The following MRM3 variants were observed in gnomAD, a reference collection of about 807,000 sequenced individuals.
MRM3 encodes the protein mitochondrial rRNA methyltransferase 3.
A neutral mutation model predicts 29.4 loss-of-function variants in MRM3; 26 were observed. The ratio of observed to expected loss-of-function variants is 0.89; its 90% confidence interval spans 0.65 to 1.23. The LOEUF is 1.23. Among genes scored for constraint, MRM3 ranks in the 50% most tolerant of loss-of-function variants. MRM3 has a pLI of 0.00. For synonymous variants in MRM3, 225 were observed against 219.0 expected, an observed-to-expected ratio of 1.03 and a Z score of -0.24; for missense variants, 578 against 540.2, an observed-to-expected ratio of 1.07 and a Z score of -0.69.
At chr17:790,921 CCCCCCACCCGCTG>C (rs1910784481) in intron 3 of MRM3, among the ~76,000 whole-genome samples, 1 of 24,250 alleles carries the variant, frequency 4.1e-5, no homozygotes, top group East Asian at 1.5e-3. Context: ...ACCACACCCC[CCCCCCACCCGCTG>C]ATTGGCCACC....
At chr17:791,028 C>G (rs1258463127) in intron 3 of MRM3, among the ~76,000 whole-genome samples, 1 of 152,156 alleles carries the variant, frequency 6.6e-6, no homozygotes, top group Non-Finnish European at 1.5e-5. Flanking sequence ...TTGGCCGGCT[C>G]ACCATGCTTG....
rs1281942309 is a variant in MRM3 at position 782,511 on chromosome 17, G to A, written c.133G>A (p.Gly45Arg). ...CCCAGTGAAAGTGGTGTTTCCTTCC[G>A]GAGAGGTGGTGGAACAGAAGCGCGC... ...RSPVKVVFPSGEVVEQKRAPG... is the reference protein window; with the variant it reads ...RSPVKVVFPSREVVEQKRAPG... Residue 45 changes from glycine (G) to arginine (R), a missense_variant, in exon 1 of 4, where the codon GGA becomes AGA. Gly to Arg is a moderately radical substitution (Grantham distance 125). Coordinates refer to ENST00000304478, the MANE Select transcript of MRM3 (RefSeq NM_018146.4). 1 of 1,613,574 alleles carries A rather than the reference G, an allele frequency of 6.2e-7. No individual in the cohort carries two copies. The highest frequency in any genetic ancestry group is 8.5e-7 in the Non-Finnish European group (1 of 1,179,520).
Position 787,518 on chromosome 17 carries a change from TG to T in MRM3, c.560-446del, listed in dbSNP as rs1173292670. On this transcript the variant is annotated intron_variant, in intron 2 of 3. Coordinates refer to ENST00000304478, the MANE Select transcript of MRM3 (RefSeq NM_018146.4). This position sits in a 1 kb window ranked among gnomAD's most constrained non-coding sequence, Gnocchi z 4.1. Reference sequence around the variant, plus strand: ...GTAGAATTTTATGTTGTTTGAATTTTGCCAATCAGAATGTATTCGTGGTTTT... The same window carrying T: ...GTAGAATTTTATGTTGTTTGAATTTTCCAATCAGAATGTATTCGTGGTTTT... Among the ~76,000 whole-genome samples, 1 of 152,084 alleles carries T rather than the reference TG, an allele frequency of 6.6e-6. No homozygotes were observed. Among genetic ancestry groups the T allele is most frequent in the East Asian group, 1.9e-4 (1 of 5,200 alleles).
In MRM3 at chr17:787,462, A is replaced by G. The variant is rs114898590; in HGVS notation, c.560-503A>G. On this transcript the variant is annotated intron_variant, in intron 2 of 3. Coordinates refer to ENST00000304478, the MANE Select transcript of MRM3 (RefSeq NM_018146.4). The surrounding 1 kb of genome is among the most constrained non-coding windows in gnomAD (Gnocchi z 4.1). ...GTTCTAAAAGGATACACTCCAAAAC[A>G]GAACAGTTGAGGGGGAGGAGAGTGG... is the stretch of plus-strand genomic sequence containing the variant. Among the ~76,000 whole-genome samples the G allele has an allele frequency of 0.011, 1,691 of 152,328 alleles. 34 individuals carry two copies. Among genetic ancestry groups the G allele is most frequent in the African/African-American group, 0.039 (1,634 of 41,562 alleles).
At chr17:790,318 A>C (rs1910731003) in intron 3 of MRM3, 1 of 153,052 alleles carries the variant, frequency 6.5e-6, no homozygotes, top group Non-Finnish European at 1.5e-5. Context: ...GCTCCGGTGC[A>C]GACTGAACGT....
intron 3 of MRM3, among the ~76,000 whole-genome samples, chr17:788,959 A>G (rs1356183675): frequency 6.6e-6 from 1 of 152,204 alleles, no homozygotes; most frequent in Non-Finnish European, 1.5e-5. Context: ...CTGCCTCACG[A>G]GTAATTCAGT....
intron 3 of MRM3, chr17:789,861 C>G (rs2144527523): frequency 6.6e-6 from 1 of 152,236 alleles, no homozygotes; most frequent in Admixed American, 6.5e-5. Flanking sequence ...GGTGTGGTGC[C>G]CAGTATCCAG....
intron 3 of MRM3, 153 bp downstream of exon 3, chr17:788,285 G>T (rs1910633056): frequency 4.6e-6 from 3 of 648,638 alleles, no homozygotes; most frequent in South Asian, 3.9e-5. Context: ...ACAATTAGCT[G>T]GGTGTGGTGG....
At chr17:783,394 T>C in intron 2 of MRM3, 67 bp downstream of exon 2, 2 of 1,472,468 alleles carry the variant, frequency 1.4e-6, no homozygotes, top group Non-Finnish European at 1.8e-6. Context: ...TGGAGTGCAA[T>C]GGCGCGATCT....
At position 789,292 on chromosome 17, in the gene MRM3, G is replaced by C. The variant is rs1250629587; in HGVS notation, c.727+1160G>C. ...AGTATATGAGCCACTCCTGAGTCTT[G>C]ACTTCTGAATCCTATGAAAGGAATG... On this transcript the variant is annotated intron_variant, in intron 3 of 3. Coordinates refer to ENST00000304478, the MANE Select transcript of MRM3 (RefSeq NM_018146.4). Among the ~76,000 whole-genome samples the C allele has an allele frequency of 2.0e-5, 3 of 152,142 alleles. No homozygotes were observed. The East Asian group carries it at 5.8e-4, about 29-fold the overall frequency.
At chr17:782,834 T>C (rs762025544) in intron 1 of MRM3, 142 bp downstream of exon 1, 77 of 981,498 alleles carry the variant, frequency 7.8e-5, no homozygotes, top group Non-Finnish European at 1.1e-4. Flanking sequence ...AATAAGCGTC[T>C]TTGGAATTAG....
rs538306567 is a variant in MRM3, at chr17:792,222, C to T, written c.*153C>T. The T allele has an allele frequency of 5.6e-6, 4 of 715,700 alleles. No individual in the cohort carries two copies. In the East Asian group the frequency reaches 1.1e-4, roughly 20 times the overall value. The allele number at this position is 715,700 out of a possible 1,614,324, so 44.3% of individuals were successfully genotyped here. A position where few individuals can be genotyped will look rare whatever the true frequency, so the allele number is the denominator to read the frequency against. On this transcript the variant is annotated 3_prime_UTR_variant, in exon 4 of 4. Coordinates refer to ENST00000304478, the MANE Select transcript of MRM3 (RefSeq NM_018146.4). ...GTTACAGGAAAAATAAGAACTTCCT[C>T]AGAAAGAACAGGTCCGAATTCTTCC...
intron 3 of MRM3, 36 bp from the exon 4 acceptor site, chr17:791,498 T>A (rs1479565064): frequency 1.3e-6 from 2 of 1,591,996 alleles, no homozygotes; most frequent in Non-Finnish European, 1.7e-6. Flanking sequence ...CTGGGAAGAT[T>A]TGTAACATCT....
At chr17:783,927 G>C (rs1244990841) in intron 2 of MRM3, among the ~76,000 whole-genome samples, 1 of 152,132 alleles carries the variant, frequency 6.6e-6, no homozygotes, top group African/African-American at 2.4e-5. Context: ...TTTACTGAAA[G>C]ATTGAGCCCT....
Position 791,619 on chromosome 17 carries a change from G to A in MRM3, c.813G>A (p.Trp271Ter). 1 of 1,614,230 alleles carries A rather than the reference G, an allele frequency of 6.2e-7. No individual in the cohort carries two copies. The change falls in exon 4 of 4, where the codon TGG (tryptophan) becomes TGA (stop). Residue 271 changes from tryptophan to a stop codon, truncating the protein, a stop_gained. Transcript: ENST00000304478. LOFTEE classifies it high-confidence loss of function. The stretch of plus-strand genomic sequence containing the variant: ...TGCCCATTATCAATAATCTGGAATG[G>A]GAAACCGTGCCCAATTACCTGCCCC... ...FRMPIINNLE[W>*]ETVPNYLPPD...
At chr17:791,043 C>G (rs1421301839) in intron 3 of MRM3, among the ~76,000 whole-genome samples, 1 of 152,224 alleles carries the variant, frequency 6.6e-6, no homozygotes, top group South Asian at 2.1e-4. Context: ...TGCTTGCAGT[C>G]CTTAGGCTGC....
rs763801619 is a variant in MRM3 at position 782,510 on chromosome 17, C to T, written c.132C>T (p.Ser44=). ...RRSPVKVVFP[S]GEVVEQKRAP... is the part of the protein sequence containing the mutation. ...GCCCAGTGAAAGTGGTGTTTCCTTC[C>T]GGAGAGGTGGTGGAACAGAAGCGCG... The change falls in exon 1 of 4, where the codon TCC becomes TCT. Residue 44 remains serine (S), a synonymous_variant. Coordinates refer to ENST00000304478, the MANE Select transcript of MRM3 (RefSeq NM_018146.4). 6.2e-6 allele frequency: 10 copies of T among 1,613,434 alleles called. No homozygotes were observed. In the Admixed American group the frequency reaches 1.3e-4, roughly 22 times the overall value.
Position 792,236 on chromosome 17 carries a change from C to A in MRM3, c.*167C>A. On this transcript the variant is annotated 3_prime_UTR_variant, in exon 4 of 4. Transcript: ENST00000304478. ...AAGAACTTCCTCAGAAAGAACAGGT[C>A]CGAATTCTTCCTGTCGCGTCACTGA... 1 of 638,010 alleles carries A rather than the reference C, an allele frequency of 1.6e-6. No homozygotes were observed. The highest frequency in any genetic ancestry group is 2.6e-6 in the Non-Finnish European group (1 of 388,548). 39.5% of individuals were successfully genotyped at this position (638,010 alleles called of 1,614,324 possible).
At chr17:785,076 A>C (rs190726660) in intron 2 of MRM3, among the ~76,000 whole-genome samples, 70 of 152,368 alleles carry the variant, frequency 4.6e-4, no homozygotes, top group African/African-American at 1.6e-3. Context: ...TAAGATTCAA[A>C]AAAACTGTAC....
Sources: allele counts gnomAD v4.1 joint callset (sites outside exome capture counted in the v4.1 genomes callset), GRCh38; gene constraint gnomAD v4.1.1; non-coding constraint Gnocchi (gnomAD v3.1); transcripts MANE v1.5; gene names NCBI Gene and HGNC (gene_info 2026-07-23, HGNC 2026-07-21).